ARHGEF17: variants seen among roughly 807,000 people sequenced by gnomAD.
ARHGEF17 encodes 164 kDa Rho-specific guanine-nucleotide exchange factor.
In ARHGEF17, 80 loss-of-function variants were observed where a neutral mutation model predicts 174.0. That is an observed-to-expected ratio of 0.46 (90% confidence interval 0.38 to 0.55). The LOEUF is 0.55. Ranked by LOEUF, ARHGEF17 falls within the 20% of genes least tolerant of loss-of-function variation. The pLI is 0.00. For synonymous variants in ARHGEF17, 1,311 were observed against 1,189.1 expected, an observed-to-expected ratio of 1.10 and a Z score of -2.11; for missense variants, 2,886 against 2,839.7, an observed-to-expected ratio of 1.02 and a Z score of -0.37.
rs1285342046 is a variant in ARHGEF17, at chr11:73,363,252, C to G, written c.5043C>G (p.Ser1681Arg). The change falls in exon 15 of 21, where the codon AGC (serine) becomes AGG (arginine). Residue 1681 changes from serine to arginine, a missense_variant. This residue lies in a region of ARHGEF17 where 476 missense variants were observed against 473.1 expected (regional missense o/e 1.01). Transcript: ENST00000263674. Reference sequence around the variant, plus strand: ...AGGAGGCCACGGCAGAGACCACCAGCTCAGAGGAGGAGCAGGAGCCAGGCT... The same window carrying G: ...AGGAGGCCACGGCAGAGACCACCAGGTCAGAGGAGGAGCAGGAGCCAGGCT... ...SSKEATAETTSSEEEQEPGFL... is the reference protein window; with the variant it reads ...SSKEATAETTRSEEEQEPGFL... 1 of 1,607,104 alleles carries G rather than the reference C, an allele frequency of 6.2e-7. No homozygotes were observed. Among genetic ancestry groups the G allele is most frequent in the South Asian group, 1.1e-5 (1 of 90,594 alleles).
intron 3 of ARHGEF17, among the ~76,000 whole-genome samples, chr11:73,353,899 A>G (rs1468366738): frequency 2.6e-5 from 4 of 152,246 alleles, no homozygotes; most frequent in Non-Finnish European, 5.9e-5. Flanking sequence ...TTACATTTGA[A>G]AAACTTCCAG....
At chr11:73,326,245 C>T (rs1865099910) in intron 1 of ARHGEF17, among the ~76,000 whole-genome samples, 2 of 152,160 alleles carry the variant, frequency 1.3e-5, no homozygotes, top group Non-Finnish European at 2.9e-5. Flanking sequence ...CTAGCCAGAC[C>T]TTGACAGGCA....
chr11:73,339,985 AG>A (rs1865345114), intron 1 of ARHGEF17, among the ~76,000 whole-genome samples: 1 of 152,210 alleles, frequency 6.6e-6, no homozygotes. Flanking sequence ...CATACCCCAA[AG>A]GAGATAAAAT....
chr11:73,367,644 C>T lies in ARHGEF17; in HGVS notation c.6056C>T (p.Pro2019Leu), dbSNP rs1591767885. The change falls in exon 21 of 21, where the codon CCT becomes CTT. Residue 2019 changes from proline to leucine, a missense_variant. This residue lies in a region of ARHGEF17 where 329 missense variants were observed against 435.2 expected (regional missense o/e 0.76). Coordinates refer to ENST00000263674, the MANE Select transcript of ARHGEF17 (RefSeq NM_014786.4). Reference sequence around the variant, plus strand: ...TCCCCTTGGCACCGAGGCCCCGCCCCTGCCAGGCCTAAAATGCTGGTTATC... The same window carrying T: ...TCCCCTTGGCACCGAGGCCCCGCCCTTGCCAGGCCTAAAATGCTGGTTATC... ...RDSPWHRGPAPARPKMLVISG... is the reference protein window; with the variant it reads ...RDSPWHRGPALARPKMLVISG... 6.2e-6 allele frequency: 10 copies of T among 1,614,086 alleles called. 1 individual carries two copies. The East Asian group carries it at 2.2e-4, about 36-fold the overall frequency.
intron 9 of ARHGEF17, among the ~76,000 whole-genome samples, chr11:73,357,806 G>A (rs1447941264): frequency 6.6e-6 from 1 of 152,160 alleles, no homozygotes; most frequent in African/African-American, 2.4e-5. Context: ...CTCCTCCTGC[G>A]GCGTCTGTCT....
At chr11:73,321,766 A>G (rs1865021201) in intron 1 of ARHGEF17, among the ~76,000 whole-genome samples, 2 of 151,894 alleles carry the variant, frequency 1.3e-5, no homozygotes, top group South Asian at 2.1e-4. Flanking sequence ...TGTGATTTTG[A>G]GATTGTGACT....
Position 73,311,215 on chromosome 11 carries a change from A to G in ARHGEF17, c.2577A>G (p.Pro859=). The G allele has an allele frequency of 1.9e-6, 3 of 1,605,256 alleles. No individual in the cohort carries two copies. The highest frequency in any genetic ancestry group is 2.6e-6 in the Non-Finnish European group (3 of 1,174,108). Residue 859 remains proline, a synonymous_variant, in exon 1 of 21, where the codon CCA becomes CCG. Transcript: ENST00000263674. ...GAGAAGTTGAGCCCATGCTGCCTCC[A>G]TCCAGCAGCGAGCCCATCCTTGTAG... The part of the protein sequence containing the change: ...PIREVEPMLP[P]SSSEPILVEQ...
chr11:73,330,130 A>G (rs565064370), intron 1 of ARHGEF17, among the ~76,000 whole-genome samples: 28 of 152,238 alleles, frequency 1.8e-4, no homozygotes, highest in Admixed American at 5.2e-4. Context: ...TTTTGTTTTT[A>G]TCAGTTTCTA....
intron 20 of ARHGEF17, among the ~76,000 whole-genome samples, chr11:73,366,332 G>A (rs1865838892): frequency 6.6e-6 from 1 of 152,216 alleles, no homozygotes; most frequent in African/African-American, 2.4e-5. Context: ...TATAGGGCAG[G>A]AAGTGGAATC....
chr11:73,309,791 GC>G lies in ARHGEF17; in HGVS notation c.1154del (p.Ala385GlufsTer62). 6.2e-7 allele frequency: 1 copy of G among 1,612,994 alleles called. No homozygotes were observed. Among genetic ancestry groups the G allele is most frequent in the Non-Finnish European group, 8.5e-7 (1 of 1,179,996 alleles). On this transcript the variant is annotated frameshift_variant, in exon 1 of 21. Transcript: ENST00000263674. LOFTEE classifies it high-confidence loss of function. ...VSFPSYLASP[A>X]GSRGSSRYSS... The stretch of plus-strand genomic sequence containing the variant: ...CTTTCCCTCGTACCTGGCCAGCCCC[GC>G]AGGCTCCCGCGGTAGCAGCCGTTAT...
At chr11:73,345,656 G>C (rs1021815503) in intron 1 of ARHGEF17, among the ~76,000 whole-genome samples, 4 of 152,212 alleles carry the variant, frequency 2.6e-5, no homozygotes, top group African/African-American at 9.7e-5. Context: ...GGATGCCACA[G>C]ACATGGACAC....
Position 73,310,900 on chromosome 11 carries a change from T to G in ARHGEF17, c.2262T>G (p.Ser754=). Reference sequence around the variant, plus strand: ...CCTCTGAAGAGCCTACTGGGTTCTCTGTGGACAGCAACCTCCTGGGCTCAC... The same window carrying G: ...CCTCTGAAGAGCCTACTGGGTTCTCGGTGGACAGCAACCTCCTGGGCTCAC... ...AATSEEPTGF[S]VDSNLLGSLS... The change falls in exon 1 of 21, where the codon TCT becomes TCG. Residue 754 remains serine (S), a synonymous_variant. Coordinates refer to ENST00000263674, the MANE Select transcript of ARHGEF17 (RefSeq NM_014786.4). The G allele has an allele frequency of 6.2e-7, 1 of 1,613,316 alleles. No homozygotes were observed. Among genetic ancestry groups the G allele is most frequent in the Non-Finnish European group, 8.5e-7 (1 of 1,179,662 alleles).
intron 20 of ARHGEF17, among the ~76,000 whole-genome samples, chr11:73,367,047 A>C (rs1172928490): frequency 6.6e-6 from 1 of 152,192 alleles, no homozygotes; most frequent in Non-Finnish European, 1.5e-5. Context: ...CGTCTCAAAA[A>C]AAAAAGTGAA....
chr11:73,357,883 C>T (rs1023286006), intron 9 of ARHGEF17, among the ~76,000 whole-genome samples: 5 of 152,220 alleles, frequency 3.3e-5, no homozygotes, highest in Non-Finnish European at 7.3e-5. Context: ...CCTCATAACT[C>T]CCGTGATCAG....
chr11:73,355,757 C>T (rs753614379), intron 4 of ARHGEF17, 104 bp from the exon 5 acceptor site: 23 of 1,565,102 alleles, frequency 1.5e-5, no homozygotes, highest in Middle Eastern at 1.7e-4. Context: ...AGTGGGCCAG[C>T]CTCCGCTCTC....
intron 1 of ARHGEF17, 69 bp downstream of exon 1, chr11:73,311,899 C>T: frequency 6.7e-7 from 1 of 1,503,400 alleles, no homozygotes; most frequent in Non-Finnish European, 8.9e-7. Flanking sequence ...TCGGTTGGAG[C>T]CTTTTGCATT....
Position 73,310,549 on chromosome 11 carries a change from A to G in ARHGEF17, c.1911A>G (p.Ser637=), listed in dbSNP as rs776672879. ...TRGQRSQEEL[S]GPESSLTDEG... ...GGCAGCGGTCCCAGGAGGAGCTCTC[A>G]GGCCCTGAGTCCAGTCTGACAGATG... Residue 637 remains serine (S), a synonymous_variant, in exon 1 of 21, where the codon TCA becomes TCG. Coordinates refer to ENST00000263674, the MANE Select transcript of ARHGEF17 (RefSeq NM_014786.4). 16 of 1,614,054 alleles carry G rather than the reference A, an allele frequency of 9.9e-6. No homozygotes were observed. Among genetic ancestry groups the G allele is most frequent in the Non-Finnish European group, 1.4e-5 (16 of 1,180,024 alleles).
intron 20 of ARHGEF17, among the ~76,000 whole-genome samples, chr11:73,367,141 A>G (rs1865852977): frequency 6.6e-6 from 1 of 152,206 alleles, no homozygotes; most frequent in Non-Finnish European, 1.5e-5. Flanking sequence ...CCCAAGAGGA[A>G]GTGGCTGTGG....
chr11:73,340,934 G>T (rs1865358359), intron 1 of ARHGEF17, among the ~76,000 whole-genome samples: 1 of 152,230 alleles, frequency 6.6e-6, no homozygotes, highest in African/African-American at 2.4e-5. Context: ...AATCCATCCA[G>T]TTGGGAGGGT....
Sources: allele counts gnomAD v4.1 joint callset (sites outside exome capture counted in the v4.1 genomes callset), GRCh38; gene constraint gnomAD v4.1.1; regional missense constraint gnomAD v4.1.1; transcripts MANE v1.5; gene names NCBI Gene and HGNC (gene_info 2026-07-23, HGNC 2026-07-21).